The following SLC44A5 variants were observed in gnomAD, a reference collection of about 807,000 sequenced individuals.
SLC44A5 encodes the protein solute carrier family 44 member 5.
A neutral mutation model predicts 101.8 loss-of-function variants in SLC44A5; 57 were observed. The observed-to-expected ratio is 0.56, with a 90% CI of 0.45 to 0.70. SLC44A5 has a LOEUF of 0.70. SLC44A5 is among the 30% of genes least tolerant of loss of function. The pLI is 0.00. For missense variants in SLC44A5, 737 were observed against 853.1 expected, an observed-to-expected ratio of 0.86 and a Z score of 1.70; for synonymous variants, 281 against 290.9, an observed-to-expected ratio of 0.97 and a Z score of 0.35.
chr1:75,469,827 G>C (rs1172200487), intron 2 of SLC44A5, among the ~76,000 whole-genome samples: 1 of 146,590 alleles, frequency 6.8e-6, no homozygotes, highest in East Asian at 2.1e-4. Context: ...TTAAGCCCAG[G>C]AATTCGAGGT....
chr1:75,466,115 C>A (rs114870912), intron 2 of SLC44A5, among the ~76,000 whole-genome samples: 1 of 152,086 alleles, frequency 6.6e-6, no homozygotes, highest in African/African-American at 2.4e-5. Flanking sequence ...AATATTGACA[C>A]AAATATCTTC....
At chr1:75,693,332 C>A in the SLC44A5 span, among the ~76,000 whole-genome samples, 1 of 152,158 alleles carries the variant, frequency 6.6e-6, no homozygotes, top group Non-Finnish European at 1.5e-5. Context: ...TTTCAGAAAG[C>A]AGAAATTATC....
intron 2 of SLC44A5, among the ~76,000 whole-genome samples, chr1:75,471,382 A>AAC (rs3058800): frequency 0.1 from 15,555 of 149,230 alleles, 989 homozygotes; most frequent in Admixed American, 0.2. Context: ...TGTGCATGAA[A>AAC]ACACACACAC....
intron 14 of SLC44A5, among the ~76,000 whole-genome samples, chr1:75,221,458 T>A (rs1647078888): frequency 6.6e-6 from 1 of 152,218 alleles, no homozygotes; most frequent in African/African-American, 2.4e-5. Flanking sequence ...ATTTAGTGTT[T>A]ATTTTGTAAC....
intron 1 of SLC44A5, among the ~76,000 whole-genome samples, chr1:75,570,683 A>C (rs949370116): frequency 6.6e-5 from 10 of 152,206 alleles, no homozygotes; most frequent in African/African-American, 2.2e-4. Flanking sequence ...TGGCTTTCAC[A>C]GAAAAAAATT....
intron 3 of SLC44A5, among the ~76,000 whole-genome samples, chr1:75,359,698 T>A (rs1234730726): frequency 2.6e-5 from 4 of 152,204 alleles, no homozygotes; most frequent in African/African-American, 9.6e-5. Context: ...GAAATAGGAT[T>A]GCTGGATCAT....
the SLC44A5 span, among the ~76,000 whole-genome samples, chr1:75,654,546 A>G: frequency 7.9e-5 from 12 of 152,202 alleles, no homozygotes; most frequent in Admixed American, 2.6e-4. Flanking sequence ...AGGGTCATTA[A>G]GGTACTTTTA....
chr1:75,673,296 G>T, the SLC44A5 span, among the ~76,000 whole-genome samples: 1 of 151,868 alleles, frequency 6.6e-6, no homozygotes, highest in Non-Finnish European at 1.5e-5. Context: ...TACTTGCTGT[G>T]GGTCGGGGGT....
At chr1:75,242,201 T>A (rs914059448) in intron 8 of SLC44A5, 140 bp from the exon 9 acceptor site, 4 of 601,878 alleles carry the variant, frequency 6.6e-6, no homozygotes, top group Non-Finnish European at 1.2e-5. Context: ...ATATTAATTG[T>A]AAGATTATCA....
Position 75,214,649 on chromosome 1 carries a change from C to A in SLC44A5, c.1758G>T (p.Arg586Ser), listed in dbSNP as rs929761078. The change falls in exon 20 of 24, where the codon AGG (arginine) becomes AGT (serine). Residue 586 changes from arginine (R) to serine (S), a missense_variant. This residue lies in a region of SLC44A5 where 665 missense variants were observed against 764.4 expected (regional missense o/e 0.87). Transcript: ENST00000370859. ...GCAGATTGAAAGCATCTTTTGCTGACCTGCAGAAGTTTCTGCCATATATTG... is the reference window on the plus strand; with the variant it reads ...GCAGATTGAAAGCATCTTTTGCTGAACTGCAGAAGTTTCTGCCATATATTG... The part of the protein sequence containing the change: ...MIAIYGRNFC[R>S]SAKDAFNLLM... The A allele has an allele frequency of 1.9e-6, 3 of 1,611,654 alleles. No individual in the cohort carries two copies. Among genetic ancestry groups the A allele is most frequent in the Non-Finnish European group, 2.5e-6 (3 of 1,178,748 alleles).
In SLC44A5 at chr1:75,409,066, C is replaced by A. The variant is rs190811322; in HGVS notation, c.14-12445G>T. Among the ~76,000 whole-genome samples, 522 of 152,194 alleles carry A rather than the reference C, an allele frequency of 3.4e-3. 1 individual carries two copies. The highest frequency in any genetic ancestry group is 6.4e-3 in the South Asian group (31 of 4,824). ...GCAGCAACATGGATGCAGCTGGAGG[C>A]CATTATCCTAAGTGAATAAACGCAC... is the stretch of plus-strand genomic sequence containing the variant. On this transcript the variant is annotated intron_variant, in intron 2 of 23. Coordinates refer to ENST00000370859, the MANE Select transcript of SLC44A5 (RefSeq NM_001130058.2).
At chr1:75,595,665 T>G (rs979194173) in intron 1 of SLC44A5, among the ~76,000 whole-genome samples, 4 of 152,164 alleles carry the variant, frequency 2.6e-5, no homozygotes, top group Non-Finnish European at 5.9e-5. Flanking sequence ...ACTCTTCCAT[T>G]CACTTGCATA....
the SLC44A5 span, among the ~76,000 whole-genome samples, chr1:75,706,980 C>T: frequency 1.3e-5 from 2 of 152,126 alleles, no homozygotes; most frequent in Admixed American, 6.5e-5. Flanking sequence ...ATTAAAGAAA[C>T]TTCATGCTTG....
intron 2 of SLC44A5, among the ~76,000 whole-genome samples, chr1:75,437,747 T>C (rs749644685): frequency 4.6e-5 from 7 of 152,076 alleles, no homozygotes; most frequent in Non-Finnish European, 7.4e-5. Context: ...TATTGATAGG[T>C]GGGCAATAGT....
chr1:75,444,504 AAG>A (rs1338629891), intron 2 of SLC44A5, among the ~76,000 whole-genome samples: 1 of 151,592 alleles, frequency 6.6e-6, no homozygotes, highest in African/African-American at 2.4e-5. Flanking sequence ...GAAAGAAAGA[AAG>A]AAAAAGAAAA....
chr1:75,246,507 G>T (rs1225918657), intron 7 of SLC44A5, among the ~76,000 whole-genome samples: 1 of 151,984 alleles, frequency 6.6e-6, no homozygotes, highest in Non-Finnish European at 1.5e-5. Context: ...AAAAATCCTT[G>T]CCCTCAAGCA....
At chr1:75,587,191 T>C (rs1674058043) in intron 1 of SLC44A5, among the ~76,000 whole-genome samples, 1 of 152,054 alleles carries the variant, frequency 6.6e-6, no homozygotes, top group Non-Finnish European at 1.5e-5. Flanking sequence ...CAAAGGTGTC[T>C]AGGTTGGGAA....
At chr1:75,632,210 AT>A in the SLC44A5 span, among the ~76,000 whole-genome samples, 1 of 151,894 alleles carries the variant, frequency 6.6e-6, no homozygotes, top group Non-Finnish European at 1.5e-5. Context: ...CATCATGTAA[AT>A]TTTTCTTTAC....
intron 1 of SLC44A5, among the ~76,000 whole-genome samples, chr1:75,567,389 T>G (rs1672844247): frequency 6.6e-6 from 1 of 152,136 alleles, no homozygotes; most frequent in African/African-American, 2.4e-5. Context: ...AATATGCAAA[T>G]TATATTACTA....
Sources: gnomAD v4.1 joint callset for allele counts (sites outside exome capture counted in the v4.1 genomes callset) on GRCh38, gnomAD v4.1.1 for gene constraint, gnomAD v4.1.1 regional missense constraint, MANE v1.5 for transcripts, NCBI Gene and HGNC (gene_info 2026-07-23, HGNC 2026-07-21) for gene names.